The following IFT122 variants were observed in gnomAD, a reference collection of about 807,000 sequenced individuals.
IFT122 encodes intraflagellar transport 122.
A neutral mutation model predicts 161.6 loss-of-function variants in IFT122; 118 were observed. The ratio of observed to expected loss-of-function variants is 0.73; its 90% CI spans 0.63 to 0.85. The LOEUF is 0.85. IFT122 is among the 40% of genes least tolerant of loss of function. The probability of loss-of-function intolerance (pLI) is 0.00; values close to 1 mark genes in which losing one functional copy is unlikely to be tolerated. For missense variants in IFT122, 1,381 were observed against 1,579.6 expected (o/e 0.87, Z 2.13); for synonymous variants, 550 against 602.4 (o/e 0.91, Z 1.27).
Position 129,451,953 on chromosome 3 carries a change from A to G in IFT122, c.148A>G (p.Lys50Glu). 1 of 1,614,116 alleles carries G rather than the reference A, an allele frequency of 6.2e-7. No individual in the cohort carries two copies. Among genetic ancestry groups the G allele is most frequent in the Non-Finnish European group, 8.5e-7 (1 of 1,179,938 alleles). The stretch of plus-strand genomic sequence containing the variant: ...TGATGGCACCTTACTTCAGCCCCTC[A>G]AGGGACACAAAGACACTGTGTACTG... The part of the protein sequence containing the change: ...TSDGTLLQPL[K>E]GHKDTVYCVA... Residue 50 changes from lysine to glutamate, a missense_variant, in exon 3 of 30, where the codon AAG (lysine) becomes GAG (glutamate). Coordinates refer to ENST00000348417, the MANE Select transcript of IFT122 (RefSeq NM_052989.3).
chr3:129,452,076 T>A, intron 3 of IFT122, 78 bp downstream of exon 3: 1 of 1,111,658 alleles, frequency 9.0e-7, no homozygotes, highest in Non-Finnish European at 1.4e-6. Flanking sequence ...ACTTTTTAAT[T>A]ATTTCTAGTA....
intron 15 of IFT122, among the ~76,000 whole-genome samples, chr3:129,487,105 C>A (rs1222330354): frequency 6.6e-6 from 1 of 152,198 alleles, no homozygotes; most frequent in African/African-American, 2.4e-5. Flanking sequence ...AACAATACTT[C>A]AAGCTCCACA....
At chr3:129,498,327 G>A (rs2081133529) in intron 18 of IFT122, among the ~76,000 whole-genome samples, 1 of 152,214 alleles carries the variant, frequency 6.6e-6, no homozygotes, top group Non-Finnish European at 1.5e-5. Flanking sequence ...TAAGATGCCT[G>A]TTTTCCTCCA....
chr3:129,478,339 C>A, intron 12 of IFT122, 121 bp downstream of exon 12: 2 of 787,668 alleles, frequency 2.5e-6, no homozygotes, highest in South Asian at 1.5e-5. Flanking sequence ...TTCCATCAAA[C>A]TAAGTGGTGC....
At chr3:129,497,474 G>A (rs1214394434) in intron 18 of IFT122, among the ~76,000 whole-genome samples, 1 of 152,188 alleles carries the variant, frequency 6.6e-6, no homozygotes, top group East Asian at 1.9e-4. Flanking sequence ...CCTGTAGAAA[G>A]ATTAGGAAGA....
chr3:129,455,204 G>A (rs1051398942), intron 3 of IFT122, among the ~76,000 whole-genome samples: 2 of 150,110 alleles, frequency 1.3e-5, no homozygotes, highest in Non-Finnish European at 1.5e-5. Flanking sequence ...ATGAAGTCTC[G>A]CTCTGTCGCC....
chr3:129,483,988 C>G (rs1191098949), intron 15 of IFT122: 2 of 437,796 alleles, frequency 4.6e-6, no homozygotes, highest in African/African-American at 4.1e-5. Context: ...AGCGTGGGGC[C>G]GAATGGAGTG....
At chr3:129,500,387 G>T (rs1376424414) in intron 19 of IFT122, among the ~76,000 whole-genome samples, 3 of 152,212 alleles carry the variant, frequency 2.0e-5, no homozygotes, top group African/African-American at 7.2e-5. Flanking sequence ...TGCCATCAGG[G>T]CTGGTGTCTC....
Position 129,483,687 on chromosome 3 carries a change from C to T in IFT122, c.1851+5C>T, listed in dbSNP as rs375595062. 4 of 1,581,036 alleles carry T rather than the reference C, an allele frequency of 2.5e-6. No individual in the cohort carries two copies. Among genetic ancestry groups the T allele is most frequent in the Non-Finnish European group, 3.4e-6 (4 of 1,163,036 alleles). ...TCTGCCGTGGAGGTGCCGCAGGTAA[C>T]TGGGGGTGCCTGTCCACTCTTAGCA... On this transcript the variant is annotated splice_donor_5th_base_variant and intron_variant, in intron 15 of 29. Coordinates refer to ENST00000348417, the MANE Select transcript of IFT122 (RefSeq NM_052989.3).
chr3:129,485,136 A>G (rs1313950528), intron 15 of IFT122, among the ~76,000 whole-genome samples: 4 of 152,200 alleles, frequency 2.6e-5, no homozygotes, highest in African/African-American at 9.7e-5. Context: ...GTATTATTGT[A>G]AATAGCAGGC....
chr3:129,442,615 A>G (rs2073382916), intron 1 of IFT122, among the ~76,000 whole-genome samples: 1 of 151,940 alleles, frequency 6.6e-6, no homozygotes, highest in African/African-American at 2.4e-5. Flanking sequence ...AAAAAATCCT[A>G]GATGTCAAAG....
chr3:129,518,139 C>T (rs1447884987), intron 27 of IFT122, among the ~76,000 whole-genome samples: 4 of 152,214 alleles, frequency 2.6e-5, no homozygotes, highest in African/African-American at 9.6e-5. Flanking sequence ...TTGGCAGCCC[C>T]GTGGTGCCCC....
chr3:129,492,287 A>C (rs1292198711), intron 17 of IFT122, 93 bp downstream of exon 17: 3 of 1,008,148 alleles, frequency 3.0e-6, no homozygotes, highest in Non-Finnish European at 4.8e-6. Context: ...CCTTGAGGAC[A>C]TGGGAACAGA....
rs1408123693 is a variant in IFT122 at position 129,516,576 on chromosome 3, CACAG to C, written c.3266-891_3266-888del. ...CAGATTGCTCCTGCACACACACACACACAGAGAGACTGCCCCTGCACACACACAG... is the reference window on the plus strand; with the variant it reads ...CAGATTGCTCCTGCACACACACACACAGAGACTGCCCCTGCACACACACAG... On this transcript the variant is annotated intron_variant, in intron 26 of 29. Transcript: ENST00000348417. Among the ~76,000 whole-genome samples, 374 of 127,166 alleles carry C rather than the reference CACAG, an allele frequency of 2.9e-3. 11 individuals are homozygous for C. The highest frequency in any genetic ancestry group is 0.011 in the African/African-American group (357 of 33,502). 83.4% of individuals were successfully genotyped at this position (127,166 alleles called of 152,430 possible).
chr3:129,507,818 C>G lies in IFT122; in HGVS notation c.2886+56C>G, dbSNP rs184991718. 4 of 1,303,002 alleles carry G rather than the reference C, an allele frequency of 3.1e-6. No homozygotes were observed. The South Asian group carries it at 4.7e-5, about 15-fold the overall frequency. The allele number at this position is 1,303,002 out of a possible 1,614,324, so 80.7% of individuals were successfully genotyped here. ...GTACCATCTCCTGAGCTAGGGGTCCCGGGCATATCTAAAGAGCAGCAGACT... is the reference window on the plus strand; with the variant it reads ...GTACCATCTCCTGAGCTAGGGGTCCGGGGCATATCTAAAGAGCAGCAGACT... On this transcript the variant is annotated intron_variant, in intron 23 of 29. Coordinates refer to ENST00000348417, the MANE Select transcript of IFT122 (RefSeq NM_052989.3).
rs2078927429 is a variant in IFT122 at position 129,483,622 on chromosome 3, C to T, written c.1791C>T (p.Tyr597=). The change falls in exon 15 of 30, where the codon TAC becomes TAT. Residue 597 remains tyrosine (Y), a synonymous_variant. Coordinates refer to ENST00000348417, the MANE Select transcript of IFT122 (RefSeq NM_052989.3). ...RQKLQGFVVG[Y]NGSKIFCLHV... ...AGCTGCAGGGCTTTGTGGTCGGCTA[C>T]AATGGCTCCAAGATCTTCTGCCTCC... The T allele has an allele frequency of 3.1e-6, 5 of 1,613,430 alleles. No homozygotes were observed. In the South Asian group the frequency reaches 5.5e-5, roughly 18 times the overall value.
In IFT122 at chr3:129,495,523, G is replaced by A; in HGVS notation, c.2124G>A (p.Glu708=). The part of the protein sequence containing the change: ...DVFSYQGKFH[E]AAKLYKRSGH... ...TTTCCTACCAGGGGAAGTTCCATGAGGCCGCCAAACTGTACAAGAGGAGTG... is the reference window on the plus strand; with the variant it reads ...TTTCCTACCAGGGGAAGTTCCATGAAGCCGCCAAACTGTACAAGAGGAGTG... The change falls in exon 18 of 30, where the codon GAG becomes GAA. Residue 708 remains glutamate (E), a synonymous_variant. Coordinates refer to ENST00000348417, the MANE Select transcript of IFT122 (RefSeq NM_052989.3). 1 of 1,614,200 alleles carries A rather than the reference G, an allele frequency of 6.2e-7. No homozygotes were observed. The highest frequency in any genetic ancestry group is 8.5e-7 in the Non-Finnish European group (1 of 1,180,050).
At chr3:129,512,483 G>C in intron 24 of IFT122, 71 bp downstream of exon 24, 1 of 1,097,966 alleles carries the variant, frequency 9.1e-7, no homozygotes, top group Non-Finnish European at 1.4e-6. Flanking sequence ...ATTCCTTCCA[G>C]AGCACTTTCC....
rs935897895 is a variant in IFT122 at position 129,479,996 on chromosome 3, T to G, written c.1488+74T>G. 126 of 1,576,932 alleles carry G rather than the reference T, an allele frequency of 8.0e-5. No homozygotes were observed. The African/African-American group carries it at 1.5e-3, about 19-fold the overall frequency. On this transcript the variant is annotated intron_variant, in intron 13 of 29. Transcript: ENST00000348417. Reference sequence around the variant, plus strand: ...CGTGGGTGACCCGTCTAGCAATGACTCTGAGCTGGGTTCTCAGGGCAGGAA... The same window carrying G: ...CGTGGGTGACCCGTCTAGCAATGACGCTGAGCTGGGTTCTCAGGGCAGGAA...
Sources: allele counts gnomAD v4.1 joint callset (sites outside exome capture counted in the v4.1 genomes callset), GRCh38; gene constraint gnomAD v4.1.1; transcripts MANE v1.5; gene names NCBI Gene and HGNC (gene_info 2026-07-23, HGNC 2026-07-21).